EYS: variants seen among roughly 807,000 people sequenced by gnomAD.
EYS encodes protein eyes shut homolog.
EYS carries 250 observed loss-of-function variants against 282.1 expected under a neutral mutation model. The observed-to-expected ratio is 0.89, with a 90% CI of 0.80 to 0.98. The LOEUF is 0.98. Among genes scored for constraint, EYS ranks in the 50% least tolerant of loss-of-function variants. The pLI is 0.00. For synonymous variants in EYS, 1,355 were observed against 1,282.9 expected, an observed-to-expected ratio of 1.06 and a Z score of -1.20; for missense variants, 4,016 against 3,709.0, an observed-to-expected ratio of 1.08 and a Z score of -2.15.
chr6:65,615,526 T>C (rs1176092694), intron 2 of EYS, among the ~76,000 whole-genome samples: 1 of 151,852 alleles, frequency 6.6e-6, no homozygotes, highest in Non-Finnish European at 1.5e-5. Flanking sequence ...ATAATATGAT[T>C]TTTAATTTTT....
At chr6:64,659,403 A>G (rs1344765181) in intron 22 of EYS, among the ~76,000 whole-genome samples, 3 of 152,090 alleles carry the variant, frequency 2.0e-5, no homozygotes, top group African/African-American at 7.2e-5. Context: ...AACTGAAGGA[A>G]ATAGAGACAC....
chr6:64,786,343 C>T (rs966393579), intron 22 of EYS, among the ~76,000 whole-genome samples: 48 of 152,000 alleles, frequency 3.2e-4, no homozygotes, highest in African/African-American at 1.1e-3. Context: ...GGAAACCAGC[C>T]AGGTGTATAT....
At chr6:64,804,126 A>G (rs1380210167) in intron 22 of EYS, among the ~76,000 whole-genome samples, 2 of 152,118 alleles carry the variant, frequency 1.3e-5, no homozygotes, top group Non-Finnish European at 2.9e-5. Context: ...AATTATCTGG[A>G]GGTATGTAAT....
intron 16 of EYS, among the ~76,000 whole-genome samples, chr6:64,908,475 G>T (rs1293521051): frequency 6.6e-6 from 1 of 152,080 alleles, no homozygotes; most frequent in East Asian, 2.0e-4. Context: ...GGAGGGCAAA[G>T]GGCTGGTTGG....
chr6:64,005,872 G>T (rs1271119285), intron 33 of EYS, among the ~76,000 whole-genome samples: 1 of 151,980 alleles, frequency 6.6e-6, no homozygotes, highest in Non-Finnish European at 1.5e-5. Context: ...GTTACTCTAG[G>T]CTTGTAGTAT....
At position 65,543,270 on chromosome 6, in the gene EYS, C is replaced by A. The variant is rs2127323726; in HGVS notation, c.-332-47277G>T. Among the ~76,000 whole-genome samples the A allele has an allele frequency of 2.0e-5, 3 of 151,826 alleles. No individual in the cohort carries two copies. In the Middle Eastern group the frequency reaches 0.01, roughly 520 times the overall value. ...CAACCTGCCTCGGCCTCCCAAAATG[C>A]CAGGATTACAGATGTGAGCCACTGC... On this transcript the variant is annotated intron_variant, in intron 2 of 42. Transcript: ENST00000503581.
At chr6:64,953,460 AT>A (rs1486128781) in intron 14 of EYS, among the ~76,000 whole-genome samples, 1 of 151,776 alleles carries the variant, frequency 6.6e-6, no homozygotes, top group Non-Finnish European at 1.5e-5. Flanking sequence ...TTTTATTTAA[AT>A]GTTATTTTAA....
At chr6:65,215,865 C>T (rs1766298940) in intron 12 of EYS, among the ~76,000 whole-genome samples, 3 of 152,130 alleles carry the variant, frequency 2.0e-5, no homozygotes, top group Admixed American at 2.0e-4. Flanking sequence ...TGATTGTTAG[C>T]ATATTTTAAC....
intron 41 of EYS, among the ~76,000 whole-genome samples, chr6:63,742,231 G>GT (rs974849129): frequency 7.3e-5 from 11 of 151,208 alleles, no homozygotes; most frequent in Admixed American, 1.3e-4. Flanking sequence ...TCTGGTCAAG[G>GT]TTTTTTTTTA....
At chr6:65,445,211 C>A (rs1256870192) in intron 5 of EYS, among the ~76,000 whole-genome samples, 1 of 151,754 alleles carries the variant, frequency 6.6e-6, no homozygotes, top group African/African-American at 2.4e-5. Context: ...TTCATCAATC[C>A]ACCATGATTG....
chr6:63,958,978 A>T (rs1450951753), intron 35 of EYS, among the ~76,000 whole-genome samples: 1 of 152,170 alleles, frequency 6.6e-6, no homozygotes, highest in African/African-American at 2.4e-5. Context: ...GCTTGCTGAT[A>T]CATCTTCCAT....
At chr6:64,220,754 T>C (rs1300651853) in intron 31 of EYS, among the ~76,000 whole-genome samples, 2 of 152,174 alleles carry the variant, frequency 1.3e-5, no homozygotes, top group African/African-American at 2.4e-5. Flanking sequence ...TCCATCTTTA[T>C]ATTCATATAA....
At chr6:64,797,471 C>T (rs1190418917) in intron 22 of EYS, among the ~76,000 whole-genome samples, 1 of 151,710 alleles carries the variant, frequency 6.6e-6, no homozygotes, top group African/African-American at 2.4e-5. Context: ...CTTAGTTTTC[C>T]CAGCATTGAT....
At position 64,819,277 on chromosome 6, in the gene EYS, A is replaced by G. The variant is rs1312576695; in HGVS notation, c.3243+2368T>C. On this transcript the variant is annotated intron_variant, in intron 21 of 42. Coordinates refer to ENST00000503581, the MANE Select transcript of EYS (RefSeq NM_001142800.2). ...TATCTCAATTTCTTATAGACATTCA[A>G]TATCTAAGATTTACAGAATGAATGA... is the stretch of plus-strand genomic sequence containing the variant. Among the ~76,000 whole-genome samples, 4 of 152,170 alleles carry G rather than the reference A, an allele frequency of 2.6e-5. No homozygotes were observed. The East Asian group carries it at 7.7e-4, about 29-fold the overall frequency.
At chr6:65,582,868 T>A (rs184493875) in intron 2 of EYS, among the ~76,000 whole-genome samples, 11 of 152,228 alleles carry the variant, frequency 7.2e-5, no homozygotes, top group Admixed American at 7.2e-4. Flanking sequence ...TTTTGTTTTT[T>A]GAAAGATGTA....
chr6:65,141,638 T>C (rs1010226123), intron 12 of EYS, among the ~76,000 whole-genome samples: 2 of 69,716 alleles, frequency 2.9e-5, no homozygotes, highest in Admixed American at 1.7e-4. Flanking sequence ...AGTCTGTCTG[T>C]CTGTCTGTCT....
chr6:64,114,871 C>T (rs1039621190), intron 31 of EYS, among the ~76,000 whole-genome samples: 3 of 152,064 alleles, frequency 2.0e-5, no homozygotes, highest in Non-Finnish European at 4.4e-5. Context: ...TGCTGCTTCC[C>T]CTCGCCCAAC....
chr6:65,666,291 A>G (rs904721577), intron 1 of EYS, among the ~76,000 whole-genome samples: 1 of 151,840 alleles, frequency 6.6e-6, no homozygotes, highest in Non-Finnish European at 1.5e-5. Flanking sequence ...GCCAATATTT[A>G]CTTATTTTTT....
chr6:65,002,885 C>T lies in EYS; in HGVS notation c.2138-5182G>A, dbSNP rs754525959. On this transcript the variant is annotated intron_variant, in intron 13 of 42. Coordinates refer to ENST00000503581, the MANE Select transcript of EYS (RefSeq NM_001142800.2). The stretch of plus-strand genomic sequence containing the variant: ...GTAAAGATTTCATGGACAATTATCA[C>T]TTCCCCAATCAATATCCTAGTGATT... 1.2e-4 allele frequency among the ~76,000 whole-genome samples: 17 copies of T among 143,256 alleles called. 2 individuals are homozygous for T. The highest frequency in any genetic ancestry group is 2.0e-4 in the Non-Finnish European group (13 of 64,032). 94.0% of individuals were successfully genotyped at this position (143,256 alleles called of 152,430 possible). A position where few individuals can be genotyped will look rare whatever the true frequency, so the allele number is the denominator to read the frequency against.
Sources: allele counts gnomAD v4.1 joint callset (sites outside exome capture counted in the v4.1 genomes callset), GRCh38; gene constraint gnomAD v4.1.1; transcripts MANE v1.5; gene names NCBI Gene and HGNC (gene_info 2026-07-23, HGNC 2026-07-21).